ITGB6: variants seen among roughly 807,000 people sequenced by gnomAD.
ITGB6 encodes the protein integrin subunit beta 6, also known as integrin beta-6.
ITGB6 carries 80 observed loss-of-function variants against 84.5 expected under a neutral mutation model. That is an observed-to-expected ratio of 0.95 (90% CI 0.79 to 1.14). ITGB6 has a LOEUF of 1.14. Among genes scored for constraint, ITGB6 ranks in the 50% most tolerant of loss-of-function variants. ITGB6 has a pLI of 0.00. For missense variants in ITGB6, 1,006 were observed against 968.0 expected, an observed-to-expected ratio of 1.04 and a Z score of -0.52; for synonymous variants, 383 against 354.9, an observed-to-expected ratio of 1.08 and a Z score of -0.89.
intron 10 of ITGB6, among the ~76,000 whole-genome samples, chr2:160,129,874 T>C (rs370235681): frequency 6.6e-6 from 1 of 152,130 alleles, no homozygotes; most frequent in Admixed American, 6.6e-5. Context: ...GAAATTGGAT[T>C]CTGATTTCTG....
intron 7 of ITGB6, among the ~76,000 whole-genome samples, chr2:160,144,833 C>A (rs949154437): frequency 1.3e-5 from 2 of 152,186 alleles, no homozygotes; most frequent in Non-Finnish European, 2.9e-5. Flanking sequence ...TACCATTAAT[C>A]GCTGACTTCC....
intron 12 of ITGB6, among the ~76,000 whole-genome samples, chr2:160,121,437 GA>G (rs1433678561): frequency 6.6e-6 from 1 of 152,134 alleles, no homozygotes; most frequent in Non-Finnish European, 1.5e-5. Flanking sequence ...GGGTTACATG[GA>G]ATATACTTTG....
chr2:160,126,333 C>T, intron 11 of ITGB6, 46 bp downstream of exon 11: 1 of 1,565,212 alleles, frequency 6.4e-7, no homozygotes, highest in Non-Finnish European at 8.8e-7. Context: ...AGTTTGATCA[C>T]TATAAACCTA....
intron 12 of ITGB6, among the ~76,000 whole-genome samples, chr2:160,121,724 C>T (rs1392302294): frequency 5.3e-5 from 8 of 150,552 alleles, no homozygotes; most frequent in Non-Finnish European, 7.4e-5. Context: ...GCCTTGATCA[C>T]GCCACTACAC....
intron 11 of ITGB6, among the ~76,000 whole-genome samples, chr2:160,126,122 T>G (rs191378650): frequency 6.6e-6 from 1 of 152,304 alleles, no homozygotes; most frequent in East Asian, 1.9e-4. Context: ...GGACATCAGC[T>G]CTACTTCCCC....
intron 13 of ITGB6, 33 bp downstream of exon 13, chr2:160,112,047 T>A (rs769389034): frequency 3.9e-5 from 62 of 1,608,408 alleles, no homozygotes; most frequent in Non-Finnish European, 4.9e-5. Flanking sequence ...TGTAGTATCA[T>A]TTGCCATCGG....
chr2:160,108,864 T>C (rs1015179159), intron 13 of ITGB6, among the ~76,000 whole-genome samples: 1 of 152,226 alleles, frequency 6.6e-6, no homozygotes, highest in African/African-American at 2.4e-5. Context: ...GAATGACTAA[T>C]AGTCCTTGCA....
intron 7 of ITGB6, among the ~76,000 whole-genome samples, chr2:160,152,270 C>T (rs998784489): frequency 1.3e-5 from 2 of 152,278 alleles, no homozygotes; most frequent in Non-Finnish European, 1.5e-5. Context: ...TGGCTTCATC[C>T]CTGAGATGCA....
In ITGB6 at chr2:160,137,465, G is replaced by A. The variant is rs1381046380; in HGVS notation, c.1629C>T (p.Ser543=). 6.2e-7 allele frequency: 1 copy of A among 1,612,640 alleles called. No individual in the cohort carries two copies. Among genetic ancestry groups the A allele is most frequent in the African/African-American group, 1.3e-5 (1 of 74,908 alleles). The change falls in exon 10 of 15, where the codon TCC becomes TCT. Residue 543 remains serine (S), a synonymous_variant. Coordinates refer to ENST00000283249, the MANE Select transcript of ITGB6 (RefSeq NM_000888.5). ...AGAGCAGCCCTTTGTGTCTCACGCA[G>A]GAGAAATTGTCACACTGGCAATAAG... ...YGPYCQCDNF[S]CVRHKGLLCG...
At chr2:160,146,838 T>A (rs1319517632) in intron 7 of ITGB6, among the ~76,000 whole-genome samples, 1 of 152,152 alleles carries the variant, frequency 6.6e-6, no homozygotes, top group Non-Finnish European at 1.5e-5. Context: ...CAGTGGCTCA[T>A]GCCTGTAATC....
intron 7 of ITGB6, among the ~76,000 whole-genome samples, chr2:160,158,596 T>G (rs3111394): frequency 6.6e-6 from 1 of 152,212 alleles, no homozygotes; most frequent in Non-Finnish European, 1.5e-5. Flanking sequence ...AAATAGGAAG[T>G]GATGTGGGGT....
rs1258729567 is a variant in ITGB6, at chr2:160,172,772, C to T, written c.760-42G>A. 2.0e-6 allele frequency: 3 copies of T among 1,522,850 alleles called. No homozygotes were observed. The African/African-American group carries it at 4.1e-5, about 21-fold the overall frequency. The allele number at this position is 1,522,850 out of a possible 1,614,324, so 94.3% of individuals were successfully genotyped here. On this transcript the variant is annotated intron_variant, in intron 5 of 14. Transcript: ENST00000283249. Reference sequence around the variant, plus strand: ...ACATTTGTGTGATATTGGAGGGAGGCAGGCATTTATTGAGTGTGGATCAAT... The same window carrying T: ...ACATTTGTGTGATATTGGAGGGAGGTAGGCATTTATTGAGTGTGGATCAAT...
intron 14 of ITGB6, among the ~76,000 whole-genome samples, chr2:160,106,401 C>T (rs150639503): frequency 2.7e-3 from 413 of 152,224 alleles, no homozygotes; most frequent in Middle Eastern, 0.01. Flanking sequence ...CCATGCCTGG[C>T]TAATTTTTGT....
Position 160,137,680 on chromosome 2 carries a change from C to A in ITGB6, c.1414G>T (p.Gly472Cys), listed in dbSNP as rs758952593. ...GCACACACCCCACACTGGAAAGAGC[C>A]GTTCCCGTGGTGACATTTGGAGCTG... ...VNSSKCHHGN[G>C]SFQCGVCACH... The change falls in exon 10 of 15, where the codon GGC becomes TGC. Residue 472 changes from glycine to cysteine, a missense_variant. By Grantham distance (159) the Gly-to-Cys change is radical. Coordinates refer to ENST00000283249, the MANE Select transcript of ITGB6 (RefSeq NM_000888.5). 4.3e-6 allele frequency: 7 copies of A among 1,614,196 alleles called. No individual in the cohort carries two copies. In the South Asian group the frequency reaches 5.5e-5, roughly 13 times the overall value.
In ITGB6 at chr2:160,123,790, C is replaced by G; in HGVS notation, c.1981+1G>C. 20 of 1,611,096 alleles carry G rather than the reference C, an allele frequency of 1.2e-5. No homozygotes were observed. The highest frequency in any genetic ancestry group is 1.6e-5 in the Non-Finnish European group (19 of 1,177,492). On this transcript the variant is annotated splice_donor_variant, in intron 12 of 14. Coordinates refer to ENST00000283249, the MANE Select transcript of ITGB6 (RefSeq NM_000888.5). LOFTEE classifies it high-confidence loss of function. ...GAAAAACAATTTAAGACAAGCAGAA[C>G]CTTCTTCTTCACTGATGGTCGCACC... is the stretch of plus-strand genomic sequence containing the variant.
intron 13 of ITGB6, among the ~76,000 whole-genome samples, chr2:160,108,752 AG>A (rs1697007521): frequency 6.6e-6 from 1 of 152,212 alleles, no homozygotes; most frequent in African/African-American, 2.4e-5. Context: ...GATGTTCTGT[AG>A]GGTACTTTCA....
intron 7 of ITGB6, among the ~76,000 whole-genome samples, chr2:160,160,804 A>T (rs528222108): frequency 4.3e-4 from 66 of 152,318 alleles, no homozygotes; most frequent in Admixed American, 1.4e-3. Context: ...CCTCACAGAC[A>T]CCACATAGAG....
intron 12 of ITGB6, among the ~76,000 whole-genome samples, chr2:160,119,579 GCAATACCATTCAGGA>G (rs1682938544): frequency 6.6e-6 from 1 of 151,882 alleles, no homozygotes; most frequent in Admixed American, 6.6e-5. Context: ...GAAAACCTAG[GCAATACCATTCAGGA>G]CATAGGCATG....
chr2:160,179,214 A>G (rs1267991253), intron 4 of ITGB6, among the ~76,000 whole-genome samples: 1 of 151,978 alleles, frequency 6.6e-6, no homozygotes, highest in African/African-American at 2.4e-5. Flanking sequence ...TAAAGTATTA[A>G]TATCGTCTTT....
Sources: allele counts gnomAD v4.1 joint callset (sites outside exome capture counted in the v4.1 genomes callset), GRCh38; gene constraint gnomAD v4.1.1; transcripts MANE v1.5; gene names NCBI Gene and HGNC (gene_info 2026-07-23, HGNC 2026-07-21).